ZDHHC2: variants seen among roughly 807,000 people sequenced by gnomAD.
The protein encoded by ZDHHC2 is palmitoyltransferase ZDHHC2.
A neutral mutation model predicts 55.6 loss-of-function variants in ZDHHC2; 51 were observed. The observed-to-expected ratio is 0.92, with a 90% CI of 0.73 to 1.16. The LOEUF is 1.16. ZDHHC2 is among the 50% of genes most tolerant of loss of function. The pLI is 0.00. For synonymous variants in ZDHHC2, 199 were observed against 152.9 expected, an observed-to-expected ratio of 1.30 and a Z score of -2.22; for missense variants, 491 against 442.4, an observed-to-expected ratio of 1.11 and a Z score of -0.99.
At chr8:17,158,278 G>A (rs1168134270) in intron 1 of ZDHHC2, among the ~76,000 whole-genome samples, 1 of 152,212 alleles carries the variant, frequency 6.6e-6, no homozygotes, top group East Asian at 1.9e-4. Flanking sequence ...TATATGTTAC[G>A]TAACTGTTGG....
intron 3 of ZDHHC2, among the ~76,000 whole-genome samples, chr8:17,194,702 A>G (rs568757253): frequency 6.6e-6 from 1 of 152,322 alleles, no homozygotes; most frequent in East Asian, 1.9e-4. Flanking sequence ...TTTGCTATAC[A>G]CAGCTATAGT....
chr8:17,194,126 C>T (rs1459725338), intron 3 of ZDHHC2, among the ~76,000 whole-genome samples: 4 of 152,096 alleles, frequency 2.6e-5, no homozygotes, highest in East Asian at 1.9e-4. Flanking sequence ...CATAGTATTC[C>T]GTGGTATGTA....
At chr8:17,208,176 A>C (rs951276768) in intron 8 of ZDHHC2, 84 bp downstream of exon 8, 2 of 1,365,538 alleles carry the variant, frequency 1.5e-6, no homozygotes, top group South Asian at 1.7e-5. Flanking sequence ...TTAAATGCCA[A>C]CTTGCCCTGA....
At chr8:17,184,368 A>C (rs1296437263) in intron 1 of ZDHHC2, among the ~76,000 whole-genome samples, 1 of 152,216 alleles carries the variant, frequency 6.6e-6, no homozygotes, top group Non-Finnish European at 1.5e-5. Flanking sequence ...GACACATTTT[A>C]TTCTTTGTGG....
chr8:17,189,216 C>T (rs1290362164), intron 3 of ZDHHC2, among the ~76,000 whole-genome samples: 1 of 143,454 alleles, frequency 7.0e-6, no homozygotes, highest in Non-Finnish European at 1.5e-5. Context: ...AAATCTCTCA[C>T]CTTTTTGATG....
At chr8:17,177,561 A>G (rs889686163) in intron 1 of ZDHHC2, among the ~76,000 whole-genome samples, 6 of 152,258 alleles carry the variant, frequency 3.9e-5, no homozygotes, top group African/African-American at 1.2e-4. Flanking sequence ...CTAAAATGAT[A>G]TCATAAATGC....
At chr8:17,164,785 T>A (rs1804521123) in intron 1 of ZDHHC2, among the ~76,000 whole-genome samples, 1 of 152,210 alleles carries the variant, frequency 6.6e-6, no homozygotes, top group South Asian at 2.1e-4. Context: ...AGAATGGCTT[T>A]GTCATGATTA....
chr8:17,168,782 A>G (rs924025675), intron 1 of ZDHHC2, among the ~76,000 whole-genome samples: 1 of 152,152 alleles, frequency 6.6e-6, no homozygotes, highest in Non-Finnish European at 1.5e-5. Flanking sequence ...CACTTATGTA[A>G]TATCTTCAGA....
chr8:17,201,963 C>G (rs991931168), intron 6 of ZDHHC2, among the ~76,000 whole-genome samples: 10 of 152,126 alleles, frequency 6.6e-5, no homozygotes, highest in African/African-American at 2.2e-4. Flanking sequence ...GGGGATCAAT[C>G]TCATACTTGT....
At chr8:17,217,064 G>C (rs1807685723) in intron 11 of ZDHHC2, 108 bp from the exon 12 acceptor site, 3 of 997,154 alleles carry the variant, frequency 3.0e-6, no homozygotes, top group Admixed American at 2.3e-5. Flanking sequence ...TATGTACAAG[G>C]CACCTTTGGA....
intron 10 of ZDHHC2, among the ~76,000 whole-genome samples, chr8:17,212,028 G>A (rs1349748251): frequency 6.6e-6 from 1 of 151,862 alleles, no homozygotes; most frequent in Non-Finnish European, 1.5e-5. Context: ...TTCCACTAAG[G>A]GCACCATGAG....
Position 17,156,553 on chromosome 8 carries a change from C to A in ZDHHC2, c.-171C>A. The A allele has an allele frequency of 3.0e-6, 1 of 334,956 alleles. No homozygotes were observed. The highest frequency in any genetic ancestry group is 1.1e-4 in the South Asian group (1 of 8,762). The allele number at this position is 334,956 out of a possible 1,614,324, so 20.7% of individuals were successfully genotyped here. A position where few individuals can be genotyped will look rare whatever the true frequency, so the allele number is the denominator to read the frequency against. On this transcript the variant is annotated 5_prime_UTR_variant, in exon 1 of 13. Coordinates refer to ENST00000262096, the MANE Select transcript of ZDHHC2 (RefSeq NM_016353.5). ...CTGAGGAGCCGGGAGTCCGCCGCGCCGGCTCGGGGCTGCGGGATGGGGAGT... is the reference window on the plus strand; with the variant it reads ...CTGAGGAGCCGGGAGTCCGCCGCGCAGGCTCGGGGCTGCGGGATGGGGAGT...
intron 6 of ZDHHC2, among the ~76,000 whole-genome samples, chr8:17,204,940 A>G (rs770265434): frequency 2.6e-5 from 4 of 152,252 alleles, no homozygotes; most frequent in African/African-American, 9.6e-5. Context: ...CCCCCCTCAG[A>G]TAACGACTTT....
intron 1 of ZDHHC2, among the ~76,000 whole-genome samples, chr8:17,174,809 C>T (rs1294602496): frequency 1.4e-5 from 2 of 146,374 alleles, no homozygotes; most frequent in Non-Finnish European, 3.0e-5. Context: ...CTCCTGGGCT[C>T]AAGGGATCCT....
chr8:17,175,953 T>C (rs1380688109), intron 1 of ZDHHC2, among the ~76,000 whole-genome samples: 2 of 152,152 alleles, frequency 1.3e-5, no homozygotes, highest in African/African-American at 4.8e-5. Context: ...AGGAGCTCAG[T>C]GTGGCTGCAG....
intron 1 of ZDHHC2, among the ~76,000 whole-genome samples, chr8:17,164,047 AG>A (rs1383873336): frequency 6.6e-6 from 1 of 152,140 alleles, no homozygotes; most frequent in Non-Finnish European, 1.5e-5. Context: ...GGGTAGGAGG[AG>A]GAGGCGCTGG....
chr8:17,193,391 C>CCT (rs139465277), intron 3 of ZDHHC2, among the ~76,000 whole-genome samples: 5 of 151,028 alleles, frequency 3.3e-5, no homozygotes, highest in African/African-American at 7.3e-5. Flanking sequence ...ACAAACAGAG[C>CCT]CTCTCTCTCT....
intron 1 of ZDHHC2, among the ~76,000 whole-genome samples, chr8:17,175,228 C>T (rs76147582): frequency 0.044 from 6,692 of 152,074 alleles, 177 homozygotes; most frequent in Non-Finnish European, 0.056. Context: ...CTGGACAGGG[C>T]GTTGTGGGTT....
intron 1 of ZDHHC2, among the ~76,000 whole-genome samples, chr8:17,179,977 G>A (rs540215686): frequency 7.2e-5 from 11 of 152,272 alleles, no homozygotes; most frequent in African/African-American, 2.4e-4. Flanking sequence ...GCAAATAAGT[G>A]TTTGAAATTA....
Sources: gnomAD v4.1 joint callset for allele counts (sites outside exome capture counted in the v4.1 genomes callset) on GRCh38, gnomAD v4.1.1 for gene constraint, MANE v1.5 for transcripts, NCBI Gene and HGNC (gene_info 2026-07-23, HGNC 2026-07-21) for gene names.